The following STK32B variants were observed in gnomAD, a reference collection of about 807,000 sequenced individuals.
STK32B encodes the protein serine/threonine-protein kinase 32B.
In STK32B, 43 loss-of-function variants were observed where a neutral mutation model predicts 52.6. The ratio of observed to expected loss-of-function variants is 0.82; its 90% CI spans 0.64 to 1.05. The LOEUF is 1.05. Among genes scored for constraint, STK32B ranks in the 50% least tolerant of loss-of-function variants. The pLI is 0.00. For synonymous variants in STK32B, 238 were observed against 204.3 expected (o/e 1.17, Z -1.41); for missense variants, 621 against 534.6 (o/e 1.16, Z -1.59).
intron 3 of STK32B, among the ~76,000 whole-genome samples, chr4:5,233,200 A>G (rs1724394223): frequency 6.6e-6 from 1 of 152,194 alleles, no homozygotes; most frequent in Non-Finnish European, 1.5e-5. Flanking sequence ...GGACAGGTTT[A>G]TGGGCAGTAC....
At chr4:5,332,395 G>A (rs1407608904) in intron 4 of STK32B, among the ~76,000 whole-genome samples, 1 of 152,154 alleles carries the variant, frequency 6.6e-6, no homozygotes, top group Non-Finnish European at 1.5e-5. Flanking sequence ...CAAAAGCTCA[G>A]GAATTGGCAG....
chr4:5,489,401 T>A (rs1217935506), intron 11 of STK32B, among the ~76,000 whole-genome samples: 1 of 152,174 alleles, frequency 6.6e-6, no homozygotes, highest in Non-Finnish European at 1.5e-5. Context: ...TATGGCTGTT[T>A]TGATTAAATT....
chr4:5,142,622 C>G (rs80063143), intron 2 of STK32B, among the ~76,000 whole-genome samples: 2,616 of 152,252 alleles, frequency 0.017, 73 homozygotes, highest in African/African-American at 0.06. Flanking sequence ...GCCATGTGCT[C>G]CATTAGACAC....
At chr4:5,047,427 G>A (rs142419033), upstream of STK32B, among the ~76,000 whole-genome samples, 570 of 151,942 alleles carry the variant, frequency 3.8e-3, 4 homozygotes, top group African/African-American at 0.013. Flanking sequence ...GTAACAAACC[G>A]ACACATTCTG....
At chr4:5,091,017 T>G (rs1310870429) in intron 1 of STK32B, among the ~76,000 whole-genome samples, 1 of 152,192 alleles carries the variant, frequency 6.6e-6, no homozygotes, top group Non-Finnish European at 1.5e-5. Context: ...ACCATATAGT[T>G]TCATGGGTAA....
intron 4 of STK32B, among the ~76,000 whole-genome samples, chr4:5,371,596 A>G (rs1274011075): frequency 1.3e-5 from 2 of 151,960 alleles, no homozygotes; most frequent in African/African-American, 4.8e-5. Context: ...GCTGAAGGGG[A>G]GGTGGGAGGC....
chr4:5,156,078 C>T (rs1354251755), intron 2 of STK32B, among the ~76,000 whole-genome samples: 1 of 151,570 alleles, frequency 6.6e-6, no homozygotes, highest in East Asian at 1.9e-4. Flanking sequence ...CATAGATACA[C>T]ATACATGTAT....
At chr4:5,290,004 C>T (rs986609799) in intron 3 of STK32B, among the ~76,000 whole-genome samples, 6 of 151,940 alleles carry the variant, frequency 3.9e-5, no homozygotes, top group Non-Finnish European at 1.5e-5. Context: ...CAATCTTCAC[C>T]CTCCTCCCAA....
intron 3 of STK32B, among the ~76,000 whole-genome samples, chr4:5,316,587 A>T (rs796684060): frequency 7.5e-3 from 15 of 1,994 alleles, no homozygotes; most frequent in African/African-American, 0.017. Flanking sequence ...ATAATATATA[A>T]TATATATTAC....
chr4:5,261,347 G>A (rs1460626207), intron 3 of STK32B, among the ~76,000 whole-genome samples: 2 of 152,214 alleles, frequency 1.3e-5, no homozygotes, highest in Non-Finnish European at 2.9e-5. Flanking sequence ...TCAGCTAGAG[G>A]AGAGACGAAG....
intron 3 of STK32B, among the ~76,000 whole-genome samples, chr4:5,283,731 T>G (rs1357086818): frequency 6.6e-6 from 1 of 152,138 alleles, no homozygotes; most frequent in Non-Finnish European, 1.5e-5. Flanking sequence ...CAGGAGTATT[T>G]TACCTGGCAA....
chr4:5,061,901 C>G (rs1742231841), intron 1 of STK32B, among the ~76,000 whole-genome samples: 1 of 152,208 alleles, frequency 6.6e-6, no homozygotes, highest in Non-Finnish European at 1.5e-5. Flanking sequence ...GTTCCACTTG[C>G]TGTGCCCATT....
chr4:5,479,840 G>GT (rs1701824694), intron 11 of STK32B, among the ~76,000 whole-genome samples: 1 of 152,132 alleles, frequency 6.6e-6, no homozygotes, highest in South Asian at 2.1e-4. Flanking sequence ...TGTGTTTGCG[G>GT]TTTTTTGGGG....
intron 5 of STK32B, among the ~76,000 whole-genome samples, chr4:5,405,958 A>G (rs551220452): frequency 6.6e-6 from 1 of 152,182 alleles, no homozygotes; most frequent in Admixed American, 6.5e-5. Context: ...GTCTTAACTC[A>G]TTTGAGCATT....
At chr4:5,158,567 A>C (rs1375813344) in intron 2 of STK32B, among the ~76,000 whole-genome samples, 1 of 152,170 alleles carries the variant, frequency 6.6e-6, no homozygotes, top group Non-Finnish European at 1.5e-5. Context: ...CTCTCAGAAC[A>C]AAAGTCAACA....
At chr4:5,263,672 A>G (rs1414035408) in intron 3 of STK32B, among the ~76,000 whole-genome samples, 1 of 152,178 alleles carries the variant, frequency 6.6e-6, no homozygotes, top group Admixed American at 6.5e-5. Flanking sequence ...TGATACGCAG[A>G]CATCTTAGTG....
chr4:5,334,843 G>A (rs1330637182), intron 4 of STK32B, among the ~76,000 whole-genome samples: 4 of 152,162 alleles, frequency 2.6e-5, no homozygotes, highest in East Asian at 3.9e-4. Context: ...GATCATGGTG[G>A]ATAAGCTTTT....
chr4:5,211,254 A>C (rs1722886192), intron 3 of STK32B, among the ~76,000 whole-genome samples: 1 of 152,094 alleles, frequency 6.6e-6, no homozygotes, highest in Non-Finnish European at 1.5e-5. Flanking sequence ...AATACACATT[A>C]CTCCTCAGAA....
intron 1 of STK32B, among the ~76,000 whole-genome samples, chr4:5,126,334 G>A (rs1715362393): frequency 6.6e-6 from 1 of 151,968 alleles, no homozygotes; most frequent in Non-Finnish European, 1.5e-5. Flanking sequence ...CCACCTCCTT[G>A]TCGGTAATAC....
Sources: gnomAD v4.1 joint callset for allele counts (sites outside exome capture counted in the v4.1 genomes callset) on GRCh38, gnomAD v4.1.1 for gene constraint, MANE v1.5 for transcripts, NCBI Gene and HGNC (gene_info 2026-07-23, HGNC 2026-07-21) for gene names.